MEGF6: variants seen among roughly 807,000 people sequenced by gnomAD.
The protein encoded by MEGF6 is multiple epidermal growth factor-like domains protein 6.
MEGF6 carries 184 observed loss-of-function variants against 207.1 expected under a neutral mutation model. That is an observed-to-expected ratio of 0.89 (90% CI 0.79 to 1.00). The LOEUF is 1.00. MEGF6 is among the 50% of genes least tolerant of loss of function. The pLI, the probability that MEGF6 is intolerant of heterozygous loss-of-function variation, is 0.00. For synonymous variants in MEGF6, 1,038 were observed against 910.0 expected (o/e 1.14, Z -2.53); for missense variants, 2,282 against 2,202.9 (o/e 1.04, Z -0.72).
At chr1:3,547,472 C>T (rs567410494) in intron 4 of MEGF6, among the ~76,000 whole-genome samples, 8 of 152,314 alleles carry the variant, frequency 5.3e-5, no homozygotes, top group South Asian at 2.1e-4. Context: ...AGATCGGCTG[C>T]CGTGTGTGTT....
In MEGF6 at chr1:3,540,781, G is replaced by A. The variant is rs76572154; in HGVS notation, c.482-16535C>T. On this transcript the variant is annotated intron_variant, in intron 4 of 36. Transcript: ENST00000356575. ...CTGGGGCAGTCATCCCATTCCCCAC[G>A]GCAGAGCCTTCCTGGCCTCCTCACT... 4.4e-3 allele frequency among the ~76,000 whole-genome samples: 663 copies of A among 152,286 alleles called. 3 individuals carry two copies. Among genetic ancestry groups the A allele is most frequent in the Admixed American group, 7.6e-3 (117 of 15,308 alleles).
intron 4 of MEGF6, among the ~76,000 whole-genome samples, chr1:3,567,978 G>T (rs1643394794): frequency 6.6e-6 from 1 of 152,176 alleles, no homozygotes; most frequent in South Asian, 2.1e-4. Context: ...GGTCTCACAG[G>T]CACTGCCGTG....
At chr1:3,539,192 C>T (rs1249168831) in intron 4 of MEGF6, among the ~76,000 whole-genome samples, 1 of 152,012 alleles carries the variant, frequency 6.6e-6, no homozygotes, top group Non-Finnish European at 1.5e-5. Flanking sequence ...CCCAGGGCAC[C>T]GGGTCTAAGG....
intron 3 of MEGF6, among the ~76,000 whole-genome samples, chr1:3,587,169 A>C (rs1643904279): frequency 6.6e-6 from 1 of 152,272 alleles, no homozygotes; most frequent in Non-Finnish European, 1.5e-5. Flanking sequence ...TTAAAAATAA[A>C]GATTGCATGC....
intron 13 of MEGF6, 74 bp downstream of exon 13, chr1:3,508,484 C>T (rs1204564195): frequency 1.3e-6 from 2 of 1,545,988 alleles, no homozygotes; most frequent in Non-Finnish European, 1.8e-6. Context: ...ACTGAATGGG[C>T]TCAAAGGGCT....
chr1:3,601,800 G>A (rs1644163388), intron 2 of MEGF6, among the ~76,000 whole-genome samples: 1 of 152,254 alleles, frequency 6.6e-6, no homozygotes, highest in Non-Finnish European at 1.5e-5. Context: ...AGCAGGTGCA[G>A]GTGTCCCGCG....
In MEGF6 at chr1:3,611,403, C is replaced by T; in HGVS notation, c.-135G>A. ...CGCTCCGCGGAGCCCAAGGTCGCTG[C>T]AGGTGCGGAGCGTCCCGGCTTCCCG... On this transcript the variant is annotated 5_prime_UTR_variant, in exon 1 of 37. Transcript: ENST00000356575. The T allele has an allele frequency of 1.4e-5, 17 of 1,229,670 alleles. 1 individual carries two copies. In the South Asian group the frequency reaches 3.7e-4, roughly 27 times the overall value. The allele number at this position is 1,229,670 out of a possible 1,614,324, so 76.2% of individuals were successfully genotyped here.
intron 5 of MEGF6, among the ~76,000 whole-genome samples, chr1:3,521,810 C>A (rs1490879138): frequency 3.3e-5 from 5 of 152,334 alleles, no homozygotes; most frequent in Non-Finnish European, 7.3e-5. Flanking sequence ...CACACAGAGG[C>A]CACCATGGGC....
chr1:3,582,375 T>C (rs1369640911), intron 3 of MEGF6, among the ~76,000 whole-genome samples: 1 of 152,130 alleles, frequency 6.6e-6, no homozygotes, highest in Admixed American at 6.5e-5. Flanking sequence ...CACTGGATCA[T>C]TCACCTGCAT....
intron 4 of MEGF6, among the ~76,000 whole-genome samples, chr1:3,579,566 C>G (rs11585159): frequency 6.6e-5 from 10 of 152,214 alleles, no homozygotes; most frequent in Non-Finnish European, 1.3e-4. Context: ...CAGGGCTGGA[C>G]GCAGTGGGCG....
At position 3,509,236 on chromosome 1, in the gene MEGF6, T is replaced by C. The variant is rs575540577; in HGVS notation, c.1367A>G (p.Glu456Gly). Residue 456 changes from glutamate (E) to glycine (G), a missense_variant, in exon 12 of 37, where the codon GAG becomes GGG. Transcript: ENST00000356575. ...CTCGCCGTCCAGGTCCACCATCGGC[T>C]CCTCCAGGGCTGCCAGGGGCACAGA... ...EDRRGCSPLE[E>G]PMVDLDGELP... 6.6e-6 allele frequency: 10 copies of C among 1,514,660 alleles called. No individual in the cohort carries two copies. Among genetic ancestry groups the C allele is most frequent in the Middle Eastern group, 1.8e-4 (1 of 5,582 alleles). The allele number at this position is 1,514,660 out of a possible 1,614,324, so 93.8% of individuals were successfully genotyped here.
In MEGF6 at chr1:3,593,419, C is replaced by T. The variant is rs530643724; in HGVS notation, c.376+1919G>A. The stretch of plus-strand genomic sequence containing the variant: ...TCTACCTGCAGTTGCCTTCCCCGCC[C>T]GGGCTCTCCACCCCCGCCCCACCCA... On this transcript the variant is annotated intron_variant, in intron 3 of 36. Transcript: ENST00000356575. Among the ~76,000 whole-genome samples, 747 of 151,918 alleles carry T rather than the reference C, an allele frequency of 4.9e-3. 6 individuals are homozygous for T. Among genetic ancestry groups the T allele is most frequent in the Admixed American group, 0.013 (194 of 15,270 alleles).
intron 4 of MEGF6, among the ~76,000 whole-genome samples, chr1:3,542,117 G>C (rs2794331): frequency 0.46 from 69,628 of 152,128 alleles, 17,882 homozygotes; most frequent in Admixed American, 0.62. Context: ...CCCGTGATCC[G>C]TCCTTATCTC....
chr1:3,515,785 G>A (rs965180561), intron 5 of MEGF6, among the ~76,000 whole-genome samples: 4 of 152,226 alleles, frequency 2.6e-5, no homozygotes, highest in Admixed American at 1.3e-4. Context: ...CTCCGGCCCC[G>A]GCCTGATCGA....
At chr1:3,553,418 C>G (rs1023844341) in intron 4 of MEGF6, among the ~76,000 whole-genome samples, 55 of 152,258 alleles carry the variant, frequency 3.6e-4, no homozygotes, top group Non-Finnish European at 6.8e-4. Context: ...TCCCGCCCCC[C>G]ACCAGCCCCA....
At chr1:3,608,930 G>C (rs557966862) in intron 1 of MEGF6, among the ~76,000 whole-genome samples, 2 of 152,330 alleles carry the variant, frequency 1.3e-5, no homozygotes, top group South Asian at 2.1e-4. Flanking sequence ...ACCTGGATCT[G>C]CGAGTTGGAG....
At chr1:3,566,429 G>A (rs895594877) in intron 4 of MEGF6, among the ~76,000 whole-genome samples, 2 of 152,240 alleles carry the variant, frequency 1.3e-5, no homozygotes, top group African/African-American at 4.8e-5. Context: ...CTAAGGCAGG[G>A]TGGGCACAGG....
rs768521234 is a variant in MEGF6, at chr1:3,501,308, T to C, written c.2315A>G (p.Asp772Gly). ...PGRTGEDCEA[D>G]CPEGRWGLGC... ...CAGCCCCCAGCGGCCCTCGGGACAATCTAGTGCCCACCCCCATGGCCAGTC... is the reference window on the plus strand; with the variant it reads ...CAGCCCCCAGCGGCCCTCGGGACAACCTAGTGCCCACCCCCATGGCCAGTC... Residue 772 changes from aspartate (D) to glycine (G), a missense_variant and splice_region_variant, in exon 19 of 37, where the codon GAT (aspartate) becomes GGT (glycine). By Grantham distance (94) the Asp-to-Gly change is moderately conservative. Coordinates refer to ENST00000356575, the MANE Select transcript of MEGF6 (RefSeq NM_001409.4). 3 of 1,595,582 alleles carry C rather than the reference T, an allele frequency of 1.9e-6. No homozygotes were observed. Among genetic ancestry groups the C allele is most frequent in the Non-Finnish European group, 2.6e-6 (3 of 1,171,766 alleles).
chr1:3,490,900 C>T lies in MEGF6; in HGVS notation c.4564+12G>A, dbSNP rs1640329129. 6.3e-7 allele frequency: 1 copy of T among 1,583,248 alleles called. No homozygotes were observed. The highest frequency in any genetic ancestry group is 8.6e-7 in the Non-Finnish European group (1 of 1,164,274). ...TCCTGGCAAGCCCACGGGCATTCCC[C>T]ACACCCCTTACCTGAGCCCTGGGCT... is the stretch of plus-strand genomic sequence containing the variant. On this transcript the variant is annotated intron_variant, in intron 36 of 36. Transcript: ENST00000356575.
Sources: allele counts gnomAD v4.1 joint callset (sites outside exome capture counted in the v4.1 genomes callset), GRCh38; gene constraint gnomAD v4.1.1; transcripts MANE v1.5; gene names NCBI Gene and HGNC (gene_info 2026-07-23, HGNC 2026-07-21).